RYR2: variants seen among roughly 807,000 people sequenced by gnomAD.
The protein encoded by RYR2 is cardiac muscle ryanodine receptor-calcium release channel.
A neutral mutation model predicts 601.1 loss-of-function variants in RYR2; 227 were observed. The observed-to-expected ratio is 0.38, with a 90% CI of 0.34 to 0.42. The LOEUF (loss-of-function observed/expected upper bound fraction) is 0.42. Among genes scored for constraint, RYR2 ranks in the 10% least tolerant of loss-of-function variants. The pLI, the probability that RYR2 is intolerant of heterozygous loss-of-function variation, is 1.00. For missense variants in RYR2, 4,646 were observed against 6,156.5 expected, an observed-to-expected ratio of 0.75 and a Z score of 8.21; for synonymous variants, 2,223 against 2,175.1, an observed-to-expected ratio of 1.02 and a Z score of -0.61.
At chr1:237,775,688 A>G (rs1026162000) in intron 87 of RYR2, among the ~76,000 whole-genome samples, 3 of 152,208 alleles carry the variant, frequency 2.0e-5, no homozygotes, top group African/African-American at 2.4e-5. Context: ...GAGTAAGAGG[A>G]CGTTGTATTG....
intron 2 of RYR2, among the ~76,000 whole-genome samples, chr1:237,284,499 T>TAA (rs1360649545): frequency 7.1e-6 from 1 of 141,830 alleles, no homozygotes; most frequent in South Asian, 2.2e-4. Context: ...ATATAAAATA[T>TAA]ATATAAAATA....
intron 1 of RYR2, among the ~76,000 whole-genome samples, chr1:237,222,332 G>C (rs948183565): frequency 6.6e-6 from 1 of 151,598 alleles, no homozygotes; most frequent in African/African-American, 2.4e-5. Flanking sequence ...AGAATGGCGT[G>C]AACCTGGGAG....
rs373261321 is a variant in RYR2 at position 237,718,302 on chromosome 1, A to C, written c.10495-160A>C. Among the ~76,000 whole-genome samples, 7 of 152,336 alleles carry C rather than the reference A, an allele frequency of 4.6e-5. No homozygotes were observed. The East Asian group carries it at 7.7e-4, about 17-fold the overall frequency. ...TGCTTCAGGCTACAGCAGTACCAAGAAATTATTTGAATGAGAATGCCCCAA... is the reference window on the plus strand; with the variant it reads ...TGCTTCAGGCTACAGCAGTACCAAGCAATTATTTGAATGAGAATGCCCCAA... On this transcript the variant is annotated intron_variant, in intron 72 of 104. Transcript: ENST00000366574.
intron 10 of RYR2, among the ~76,000 whole-genome samples, chr1:237,406,192 T>TC (rs1703868460): frequency 5.4e-5 from 2 of 37,046 alleles, no homozygotes; most frequent in Non-Finnish European, 8.8e-5. Flanking sequence ...CCCCTCCCCT[T>TC]CCCTTCCCTC....
intron 43 of RYR2, among the ~76,000 whole-genome samples, 180 bp from the exon 44 acceptor site, chr1:237,634,709 T>G (rs1427825419): frequency 6.6e-6 from 1 of 150,760 alleles, no homozygotes; most frequent in African/African-American, 2.5e-5. Flanking sequence ...GTACACAATA[T>G]ATACAATTTT....
At chr1:237,535,519 G>A (rs958501232) in intron 25 of RYR2, among the ~76,000 whole-genome samples, 14 of 119,112 alleles carry the variant, frequency 1.2e-4, no homozygotes, top group South Asian at 7.9e-4. Context: ...ACACACACAC[G>A]TCCCAAACAA....
chr1:237,732,273 C>A, intron 78 of RYR2, 124 bp downstream of exon 78: 1 of 534,250 alleles, frequency 1.9e-6, no homozygotes, highest in Non-Finnish European at 3.3e-6. Flanking sequence ...GAGAATTGTT[C>A]AAAGATAACA....
intron 86 of RYR2, 135 bp from the exon 87 acceptor site, chr1:237,773,385 T>G (rs1694420839): frequency 1.8e-6 from 1 of 570,576 alleles, no homozygotes; most frequent in South Asian, 2.5e-5. Flanking sequence ...GAATGATATT[T>G]ACTTCACAGA....
chr1:237,288,133 G>A (rs1191707970), intron 2 of RYR2, among the ~76,000 whole-genome samples: 3 of 152,168 alleles, frequency 2.0e-5, no homozygotes, highest in East Asian at 1.9e-4. Flanking sequence ...TGGTACTGGG[G>A]GTTGTCTGCA....
intron 1 of RYR2, among the ~76,000 whole-genome samples, chr1:237,123,362 G>A (rs1671022929): frequency 6.6e-6 from 1 of 152,166 alleles, no homozygotes. Flanking sequence ...CAAGGCTGGA[G>A]GATTACTTGA....
chr1:237,674,419 A>G (rs544653985), intron 59 of RYR2, among the ~76,000 whole-genome samples, 200 bp downstream of exon 59: 1 of 152,222 alleles, frequency 6.6e-6, no homozygotes, highest in Admixed American at 6.5e-5. Context: ...TTTGCTACAT[A>G]TATTAAATCA....
intron 23 of RYR2, 84 bp downstream of exon 23, chr1:237,506,898 G>A: frequency 1.8e-6 from 2 of 1,106,850 alleles, no homozygotes; most frequent in Non-Finnish European, 2.7e-6. Flanking sequence ...CCCGCTATGG[G>A]GTGACATCAA....
intron 40 of RYR2, among the ~76,000 whole-genome samples, chr1:237,626,286 C>T (rs938344344): frequency 3.3e-5 from 5 of 152,060 alleles, no homozygotes; most frequent in Admixed American, 1.3e-4. Context: ...GCTGTGAGTG[C>T]CTTGGGCACA....
intron 1 of RYR2, among the ~76,000 whole-genome samples, chr1:237,047,617 C>T (rs1024706813): frequency 6.6e-6 from 1 of 152,142 alleles, no homozygotes; most frequent in Non-Finnish European, 1.5e-5. Context: ...GTAACTCCCT[C>T]CTTGCCACGT....
At chr1:237,669,526 C>T (rs1167808372) in intron 58 of RYR2, among the ~76,000 whole-genome samples, 1 of 150,740 alleles carries the variant, frequency 6.6e-6, no homozygotes, top group African/African-American at 2.4e-5. Context: ...CCACCTCCCT[C>T]CCGCACGGGG....
At chr1:237,368,827 A>T (rs944520280) in intron 5 of RYR2, among the ~76,000 whole-genome samples, 8 of 151,312 alleles carry the variant, frequency 5.3e-5, no homozygotes, top group African/African-American at 1.9e-4. Context: ...TTATTTATTT[A>T]TTTATTTATT....
chr1:237,110,656 A>G (rs529589539), intron 1 of RYR2, among the ~76,000 whole-genome samples: 11 of 152,086 alleles, frequency 7.2e-5, no homozygotes, highest in African/African-American at 2.7e-4. Context: ...AAGCTGGCAA[A>G]TTTGTCTCAG....
intron 39 of RYR2, among the ~76,000 whole-genome samples, chr1:237,625,257 G>A (rs1458792522): frequency 1.3e-5 from 2 of 152,068 alleles, no homozygotes; most frequent in African/African-American, 4.8e-5. Context: ...AAAATTTTTG[G>A]AGGCAAGAGA....
At chr1:237,503,158 T>TCACCTTACGTAGG in intron 21 of RYR2, 131 bp from the exon 22 acceptor site, 1 of 712,412 alleles carries the variant, frequency 1.4e-6, no homozygotes, top group Middle Eastern at 3.0e-4. Context: ...CACATTATGA[T>TCACCTTACGTAGG]GGTACGTAGG....
Sources: gnomAD v4.1 joint callset for allele counts (sites outside exome capture counted in the v4.1 genomes callset) on GRCh38, gnomAD v4.1.1 for gene constraint, MANE v1.5 for transcripts, NCBI Gene and HGNC (gene_info 2026-07-23, HGNC 2026-07-21) for gene names.